Variants in FA2H observed in about 807,000 individuals in gnomAD.
FA2H encodes the protein fatty acid 2-hydroxylase.
A neutral mutation model predicts 44.9 loss-of-function variants in FA2H; 22 were observed. The observed-to-expected ratio is 0.49, with a 90% CI of 0.35 to 0.70. The LOEUF (loss-of-function observed/expected upper bound fraction) is 0.70. Ranked by LOEUF, FA2H falls within the 30% of genes least tolerant of loss-of-function variation. FA2H has a pLI of 0.01. For missense variants in FA2H, 501 were observed against 504.9 expected (o/e 0.99, Z 0.07); for synonymous variants, 243 against 213.2 (o/e 1.14, Z -1.22).
intron 6 of FA2H, among the ~76,000 whole-genome samples, chr16:74,714,971 G>T (rs761288365): frequency 4.6e-5 from 7 of 151,664 alleles, no homozygotes; most frequent in Non-Finnish European, 1.0e-4. Context: ...TGAGTAGCTG[G>T]GATTACAGGC....
rs187764368 is a variant in FA2H, at chr16:74,757,781, C to G, written c.270+16705G>C. Among the ~76,000 whole-genome samples, 297 of 152,232 alleles carry G rather than the reference C, an allele frequency of 2.0e-3. 1 individual carries two copies. Among genetic ancestry groups the G allele is most frequent in the African/African-American group, 6.8e-3 (281 of 41,530 alleles). On this transcript the variant is annotated intron_variant, in intron 1 of 6. Transcript: ENST00000219368. ...CCTGTAATCCTGGCACTTTGGGAGG[C>G]TGAGGTGGGTGGATTGTTTCAGCCC...
chr16:74,719,265 C>T, intron 4 of FA2H, 105 bp from the exon 5 acceptor site: 1 of 973,134 alleles, frequency 1.0e-6, no homozygotes, highest in Non-Finnish European at 1.6e-6. Flanking sequence ...CTGCTGCCCT[C>T]TGTTGGACAG....
chr16:74,741,808 A>ATATATATATG lies in FA2H; in HGVS notation c.271-1694_271-1693insCATATATATA, dbSNP rs1491185782. Reference sequence around the variant, plus strand: ...TATATATATATATATATATATATATATGTGTGTGTGTGTGTGTGTGTGTGT... The same window carrying ATATATATATG: ...TATATATATATATATATATATATATATATATATATGTGTGTGTGTGTGTGTGTGTGTGTGT... On this transcript the variant is annotated intron_variant, in intron 1 of 6. Coordinates refer to ENST00000219368, the MANE Select transcript of FA2H (RefSeq NM_024306.5). Among the ~76,000 whole-genome samples the ATATATATATG allele has an allele frequency of 5.6e-3, 270 of 48,234 alleles. 1 individual carries two copies. Among genetic ancestry groups the ATATATATATG allele is most frequent in the African/African-American group, 0.012 (108 of 9,178 alleles). 31.6% of individuals were successfully genotyped at this position (48,234 alleles called of 152,430 possible). A position where few individuals can be genotyped will look rare whatever the true frequency, so the allele number is the denominator to read the frequency against.
At chr16:74,744,403 T>C (rs1285017738) in intron 1 of FA2H, among the ~76,000 whole-genome samples, 1 of 151,892 alleles carries the variant, frequency 6.6e-6, no homozygotes, top group African/African-American at 2.4e-5. Context: ...AATGAAGATA[T>C]GTGTGCTTTC....
rs547761488 is a variant in FA2H, at chr16:74,718,619, A to C, written c.786+369T>G. ...TGGGGCTGTTTTCAGCACAAGCTCCAGGAGCGCAAGGCTTTTTGTTGTTTT... is the reference window on the plus strand; with the variant it reads ...TGGGGCTGTTTTCAGCACAAGCTCCCGGAGCGCAAGGCTTTTTGTTGTTTT... On this transcript the variant is annotated intron_variant, in intron 5 of 6. Coordinates refer to ENST00000219368, the MANE Select transcript of FA2H (RefSeq NM_024306.5). Among the ~76,000 whole-genome samples, 3 of 152,356 alleles carry C rather than the reference A, an allele frequency of 2.0e-5. No homozygotes were observed. In the South Asian group the frequency reaches 6.2e-4, roughly 32 times the overall value.
intron 1 of FA2H, among the ~76,000 whole-genome samples, chr16:74,745,799 A>ATTTTTT (rs11365398): frequency 6.2e-4 from 45 of 72,452 alleles, no homozygotes; most frequent in African/African-American, 2.2e-3. Flanking sequence ...CTGTCAATGG[A>ATTTTTT]TTTTTTTTTT....
rs989170228 is a variant in FA2H at position 74,719,198 on chromosome 16, C to T, written c.614-38G>A. 2.5e-6 allele frequency: 4 copies of T among 1,589,712 alleles called. No homozygotes were observed. In the African/African-American group the frequency reaches 4.0e-5, roughly 16 times the overall value. On this transcript the variant is annotated intron_variant, in intron 4 of 6. Transcript: ENST00000219368. The stretch of plus-strand genomic sequence containing the variant: ...AGGGAGAGCGAGGTGAGGACCGGTG[C>T]ATAGCAGCCTGGTAGCTCCAGGTGT...
rs192246492 is a variant in FA2H at position 74,753,313 on chromosome 16, C to T, written c.271-13198G>A. The stretch of plus-strand genomic sequence containing the variant: ...TCAGAGGGCAAGAGCATGGGCTGCC[C>T]GGTCAGTGTCCACAGCTCAACTGCT... On this transcript the variant is annotated intron_variant, in intron 1 of 6. Transcript: ENST00000219368. Among the ~76,000 whole-genome samples the T allele has an allele frequency of 1.4e-3, 209 of 152,312 alleles. 2 individuals are homozygous for T. The highest frequency in any genetic ancestry group is 0.012 in the Admixed American group (178 of 15,304).
intron 4 of FA2H, among the ~76,000 whole-genome samples, chr16:74,722,276 C>T (rs1276679095): frequency 6.6e-6 from 1 of 152,238 alleles, no homozygotes; most frequent in African/African-American, 2.4e-5. Flanking sequence ...GGGCTCATGC[C>T]TGTAATCCCA....
chr16:74,713,661 G>A lies in FA2H; in HGVS notation c.*529C>T, dbSNP rs1961625808. 6.4e-6 allele frequency: 1 copy of A among 155,792 alleles called. No homozygotes were observed. The allele number at this position is 155,792 out of a possible 1,614,324, so 9.7% of individuals were successfully genotyped here. A position where few individuals can be genotyped will look rare whatever the true frequency, so the allele number is the denominator to read the frequency against. The stretch of plus-strand genomic sequence containing the variant: ...CCCCAGGGTCTGGGGTGGACTGTGG[G>A]AGGCATCACGCTGTCTCTTCTTGCG... On this transcript the variant is annotated 3_prime_UTR_variant, in exon 7 of 7. Coordinates refer to ENST00000219368, the MANE Select transcript of FA2H (RefSeq NM_024306.5).
chr16:74,714,882 G>C (rs1424491134), intron 6 of FA2H, among the ~76,000 whole-genome samples: 2 of 149,364 alleles, frequency 1.3e-5, no homozygotes, highest in African/African-American at 5.0e-5. Context: ...TGTTGCTCAG[G>C]CTGGAGTGCA....
chr16:74,741,018 G>C (rs1453511197), intron 1 of FA2H, among the ~76,000 whole-genome samples: 1 of 152,264 alleles, frequency 6.6e-6, no homozygotes, highest in Non-Finnish European at 1.5e-5. Flanking sequence ...CAGTGCCCAA[G>C]TGGGCTCAAG....
intron 1 of FA2H, among the ~76,000 whole-genome samples, chr16:74,772,226 C>T (rs1180997334): frequency 6.6e-6 from 1 of 152,194 alleles, no homozygotes; most frequent in African/African-American, 2.4e-5. Flanking sequence ...GCTCTTCCTG[C>T]CAGAGCCTTC....
At chr16:74,738,075 C>T (rs369768614) in intron 2 of FA2H, among the ~76,000 whole-genome samples, 11 of 152,348 alleles carry the variant, frequency 7.2e-5, no homozygotes, top group South Asian at 2.1e-4. Flanking sequence ...TTTTCTGGGG[C>T]GCTGAAGGGG....
rs78705487 is a variant in FA2H at position 74,718,707 on chromosome 16, G to C, written c.786+281C>G. 5.9e-3 allele frequency among the ~76,000 whole-genome samples: 903 copies of C among 152,338 alleles called. 14 individuals are homozygous for C. Among genetic ancestry groups the C allele is most frequent in the African/African-American group, 0.021 (870 of 41,576 alleles). On this transcript the variant is annotated intron_variant, in intron 5 of 6. Coordinates refer to ENST00000219368, the MANE Select transcript of FA2H (RefSeq NM_024306.5). Reference sequence around the variant, plus strand: ...GGCACTCACTGGGCATTTGCTGAATGAATGAACGAATGAATGAGTTGTTTT... The same window carrying C: ...GGCACTCACTGGGCATTTGCTGAATCAATGAACGAATGAATGAGTTGTTTT...
intron 1 of FA2H, among the ~76,000 whole-genome samples, chr16:74,750,319 A>C (rs1779745136): frequency 6.6e-6 from 1 of 152,186 alleles, no homozygotes; most frequent in South Asian, 2.1e-4. Flanking sequence ...CCAATCTAAG[A>C]ATTATCCTGT....
chr16:74,731,784 G>A lies in FA2H; in HGVS notation c.364-4398C>T, dbSNP rs1224043573. On this transcript the variant is annotated intron_variant, in intron 2 of 6. Coordinates refer to ENST00000219368, the MANE Select transcript of FA2H (RefSeq NM_024306.5). ...TCTCCTCTATTGACTTTTTAGCTAT[G>A]CTTTTGGTATTTTCCTTGCAGTTGT... Among the ~76,000 whole-genome samples, 4 of 152,228 alleles carry A rather than the reference G, an allele frequency of 2.6e-5. No individual in the cohort carries two copies. The South Asian group carries it at 6.2e-4, about 24-fold the overall frequency.
At chr16:74,768,870 C>G (rs1422615593) in intron 1 of FA2H, among the ~76,000 whole-genome samples, 4 of 152,116 alleles carry the variant, frequency 2.6e-5, no homozygotes, top group Non-Finnish European at 4.4e-5. Flanking sequence ...TCGAGACCTT[C>G]ACACATCAAG....
At chr16:74,748,130 C>A (rs1410321979) in intron 1 of FA2H, among the ~76,000 whole-genome samples, 1 of 152,156 alleles carries the variant, frequency 6.6e-6, no homozygotes, top group African/African-American at 2.4e-5. Flanking sequence ...CAAATAGGTC[C>A]GTTCCTAGCC....
Sources: allele counts gnomAD v4.1 joint callset (sites outside exome capture counted in the v4.1 genomes callset), GRCh38; gene constraint gnomAD v4.1.1; transcripts MANE v1.5; gene names NCBI Gene and HGNC (gene_info 2026-07-23, HGNC 2026-07-21).